The following MROH1 variants were observed in gnomAD, a reference collection of about 807,000 sequenced individuals.
MROH1 encodes maestro heat-like repeat-containing protein family member 1.
MROH1 carries 117 observed loss-of-function variants against 116.5 expected under a neutral mutation model. The ratio of observed to expected loss-of-function variants is 1.00; its 90% confidence interval spans 0.86 to 1.17. MROH1 has a LOEUF of 1.17. Ranked by LOEUF, MROH1 falls within the 50% of genes most tolerant of loss-of-function variation. The pLI is 0.00. For synonymous variants in MROH1, 921 were observed against 583.9 expected (o/e 1.58, Z -8.32); for missense variants, 1,873 against 1,338.5 (o/e 1.40, Z -6.23).
chr8:144,176,150 G>A (rs895534281), intron 4 of MROH1, among the ~76,000 whole-genome samples: 67 of 152,188 alleles, frequency 4.4e-4, no homozygotes, highest in African/African-American at 1.5e-3. Context: ...ATAACTTGAG[G>A]CCAGGAGTTC....
chr8:144,217,684 G>A (rs1272525167), intron 12 of MROH1, among the ~76,000 whole-genome samples: 1 of 152,146 alleles, frequency 6.6e-6, no homozygotes, highest in Non-Finnish European at 1.5e-5. Flanking sequence ...GCTCACTACA[G>A]CCTCTGCCTC....
At position 144,168,392 on chromosome 8, in the gene MROH1, G is replaced by A. The variant is rs578129657; in HGVS notation, c.120G>A (p.Pro40=). The A allele has an allele frequency of 1.8e-5, 29 of 1,611,548 alleles. No individual in the cohort carries two copies. The highest frequency in any genetic ancestry group is 1.7e-4 in the Middle Eastern group (1 of 6,044). ...TGTGCTCCCTCGGGGAGGCGCGGCC[G>A]GTGGAGACGCTCCGTGCCTGCGAGG... ...SALCSLGEAR[P]VETLRACEEY... The change falls in exon 4 of 44, where the codon CCG becomes CCA. Residue 40 remains proline (P), a synonymous_variant. Transcript: ENST00000326134.
intron 12 of MROH1, among the ~76,000 whole-genome samples, chr8:144,211,786 TTATC>T (rs1215316100): frequency 2.6e-5 from 4 of 152,096 alleles, no homozygotes; most frequent in Non-Finnish European, 5.9e-5. Context: ...GTGTTTTTAT[TTATC>T]AGTTTTCAAG....
In MROH1 at chr8:144,261,055, C is replaced by T; in HGVS notation, c.4671+14C>T. 1 of 748,404 alleles carries T rather than the reference C, an allele frequency of 1.3e-6. No individual in the cohort carries two copies. Among genetic ancestry groups the T allele is most frequent in the Admixed American group, 1.7e-5 (1 of 57,518 alleles). The allele number at this position is 748,404 out of a possible 1,614,324, so 46.4% of individuals were successfully genotyped here. A position where few individuals can be genotyped will look rare whatever the true frequency, so the allele number is the denominator to read the frequency against. ...TGCAAGCACCTGGTGAGGGGTGGGG[C>T]CAGGCGGGGCGTGGTGGGTGGGGCG... On this transcript the variant is annotated intron_variant, in intron 41 of 43. Transcript: ENST00000326134.
chr8:144,195,231 A>G (rs7386195), intron 10 of MROH1, among the ~76,000 whole-genome samples: 130,737 of 132,328 alleles, frequency 0.99, 64,606 homozygotes, highest in East Asian at 1. Context: ...GCCGAGTGCC[A>G]TGGCTCATGC....
chr8:144,244,082 C>T (rs1841473889), intron 26 of MROH1, 140 bp downstream of exon 26: 3 of 701,874 alleles, frequency 4.3e-6, no homozygotes, highest in East Asian at 5.4e-5. Context: ...TGTGTGTGCG[C>T]ATGCTGCATG....
At chr8:144,229,072 G>C (rs1471082071) in intron 14 of MROH1, among the ~76,000 whole-genome samples, 1 of 152,186 alleles carries the variant, frequency 6.6e-6, no homozygotes, top group East Asian at 1.9e-4. Context: ...GTTTGATCAT[G>C]AGATCGCAGC....
Position 144,245,162 on chromosome 8 carries a change from A to T in MROH1, c.2773A>T (p.Ser925Cys). The T allele has an allele frequency of 1.3e-6, 1 of 779,078 alleles. No homozygotes were observed. Among genetic ancestry groups the T allele is most frequent in the Non-Finnish European group, 2.4e-6 (1 of 417,752 alleles). The allele number at this position is 779,078 out of a possible 1,614,324, so 48.3% of individuals were successfully genotyped here. Residue 925 changes from serine (S) to cysteine (C), a missense_variant, in exon 29 of 44, where the codon AGC (serine) becomes TGC (cysteine). Ser to Cys is a moderately radical substitution (Grantham distance 112). Transcript: ENST00000326134. ...QGLQIMIEHLSPWIKSPRGHE... is the reference protein window; with the variant it reads ...QGLQIMIEHLCPWIKSPRGHE... ...TGACGCCCCTCTTCCTCAGCACCTGAGCCCATGGATCAAGTCCCCAAGAGG... is the reference window on the plus strand; with the variant it reads ...TGACGCCCCTCTTCCTCAGCACCTGTGCCCATGGATCAAGTCCCCAAGAGG...
chr8:144,258,166 G>A (rs992562872), intron 35 of MROH1, among the ~76,000 whole-genome samples: 9 of 152,236 alleles, frequency 5.9e-5, no homozygotes, highest in African/African-American at 2.2e-4. Context: ...AGGGAGACCA[G>A]AGGGCAAGGT....
chr8:144,207,720 G>A (rs1391604125), intron 12 of MROH1, among the ~76,000 whole-genome samples: 1 of 152,088 alleles, frequency 6.6e-6, no homozygotes, highest in Non-Finnish European at 1.5e-5. Flanking sequence ...TGATTATTTT[G>A]TAGTGTTCTT....
rs1338124190 is a variant in MROH1 at position 144,246,589 on chromosome 8, G to A, written c.2872-712G>A. The stretch of plus-strand genomic sequence containing the variant: ...TCTAAGAACAATGGCTGGTCACCCT[G>A]CAGTCTTTCTCTAACATTCCAGCCT... On this transcript the variant is annotated intron_variant, in intron 29 of 43. Coordinates refer to ENST00000326134, the MANE Select transcript of MROH1 (RefSeq NM_032450.3). Among the ~76,000 whole-genome samples the A allele has an allele frequency of 5.9e-5, 9 of 152,268 alleles. No individual in the cohort carries two copies. The South Asian group carries it at 1.7e-3, about 28-fold the overall frequency.
intron 33 of MROH1, chr8:144,251,343 T>C (rs1251638237): frequency 6.6e-6 from 1 of 152,298 alleles, no homozygotes; most frequent in Non-Finnish European, 1.5e-5. Flanking sequence ...AATAGCTGCA[T>C]TTTGTTACTG....
rs62532299 is a variant in MROH1 at position 144,258,539 on chromosome 8, C to T, written c.3792-238C>T. ...GCTCTCAGGCTGGTGGCCAGGTGGC[C>T]ACAGGCTGACCTTGCTACTAGCTCA... On this transcript the variant is annotated intron_variant, in intron 35 of 43. Coordinates refer to ENST00000326134, the MANE Select transcript of MROH1 (RefSeq NM_032450.3). Among the ~76,000 whole-genome samples, 1,128 of 152,332 alleles carry T rather than the reference C, an allele frequency of 7.4e-3. 8 individuals are homozygous for T. The highest frequency in any genetic ancestry group is 0.017 in the Middle Eastern group (5 of 294).
rs1187336210 is a variant in MROH1 at position 144,179,569 on chromosome 8, G to A, written c.283G>A (p.Glu95Lys). The part of the protein sequence containing the change: ...ASTIILLASS[E>K]MTKTKDLVWD... ...CACCATCATCCTCCTGGCCTCCAGC[G>A]AGATGACCAAGACGAAGGTATTCAG... The change falls in exon 5 of 44, where the codon GAG becomes AAG. Residue 95 changes from glutamate (E) to lysine (K), a missense_variant. By Grantham distance (56) the Glu-to-Lys change is moderately conservative. Coordinates refer to ENST00000326134, the MANE Select transcript of MROH1 (RefSeq NM_032450.3). 4 of 1,610,994 alleles carry A rather than the reference G, an allele frequency of 2.5e-6. No homozygotes were observed. The highest frequency in any genetic ancestry group is 1.1e-5 in the South Asian group (1 of 90,484).
At chr8:144,237,715 C>T (rs917849958) in intron 14 of MROH1, among the ~76,000 whole-genome samples, 4 of 152,096 alleles carry the variant, frequency 2.6e-5, no homozygotes, top group Admixed American at 1.3e-4. Flanking sequence ...CTTTATTTCA[C>T]GGTTATACTT....
At chr8:144,261,377 G>C in intron 43 of MROH1, 28 bp downstream of exon 43, 1 of 700,914 alleles carries the variant, frequency 1.4e-6, no homozygotes, top group Non-Finnish European at 2.6e-6. Flanking sequence ...GGGCCCCTCC[G>C]CTGGGCCCTG....
At chr8:144,188,993 C>T (rs1827899732) in intron 7 of MROH1, among the ~76,000 whole-genome samples, 1 of 152,368 alleles carries the variant, frequency 6.6e-6, no homozygotes, top group South Asian at 2.1e-4. Context: ...AACATACACA[C>T]AGAAAGGTGA....
chr8:144,254,171 C>T (rs1843297134), intron 33 of MROH1, among the ~76,000 whole-genome samples: 1 of 152,182 alleles, frequency 6.6e-6, no homozygotes, highest in South Asian at 2.1e-4. Flanking sequence ...TTTTTATCTT[C>T]CTATTCACTG....
At chr8:144,210,395 G>A (rs1197139362) in intron 12 of MROH1, among the ~76,000 whole-genome samples, 1 of 149,368 alleles carries the variant, frequency 6.7e-6, no homozygotes, top group Non-Finnish European at 1.5e-5. Context: ...CCGAGATTAC[G>A]CCACTGCATA....
Sources: allele counts gnomAD v4.1 joint callset (sites outside exome capture counted in the v4.1 genomes callset), GRCh38; gene constraint gnomAD v4.1.1; transcripts MANE v1.5; gene names NCBI Gene and HGNC (gene_info 2026-07-23, HGNC 2026-07-21).